MTHFD1: variants seen among roughly 807,000 people sequenced by gnomAD.
MTHFD1 encodes methylenetetrahydrofolate dehydrogenase, cyclohydrolase and formyltetrahydrofolate synthetase 1, also known as C-1-tetrahydrofolate synthase, cytoplasmic.
MTHFD1 carries 44 observed loss-of-function variants against 110.3 expected under a neutral mutation model. The observed-to-expected ratio is 0.40, with a 90% CI of 0.31 to 0.51. MTHFD1 has a LOEUF of 0.51. Among genes scored for constraint, MTHFD1 ranks in the 20% least tolerant of loss-of-function variants. The pLI is 0.60. For missense variants in MTHFD1, 909 were observed against 1,173.1 expected (o/e 0.77, Z 3.29); for synonymous variants, 402 against 428.8 (o/e 0.94, Z 0.77).
chr14:64,390,863 G>C (rs761374952), intron 1 of MTHFD1, among the ~76,000 whole-genome samples: 1 of 152,072 alleles, frequency 6.6e-6, no homozygotes, highest in Non-Finnish European at 1.5e-5. Flanking sequence ...TGGTCAGGCT[G>C]GTCTGTAACT....
intron 8 of MTHFD1, among the ~76,000 whole-genome samples, chr14:64,422,194 T>G (rs527729168): frequency 6.6e-6 from 1 of 152,242 alleles, no homozygotes; most frequent in Non-Finnish European, 1.5e-5. Flanking sequence ...ATAGGCAAAT[T>G]AATGCTGATA....
intron 1 of MTHFD1, chr14:64,390,426 G>C (rs1019024784): frequency 6.6e-6 from 1 of 151,266 alleles, no homozygotes; most frequent in Non-Finnish European, 1.5e-5. Flanking sequence ...CTGCATACAA[G>C]CAATTCTCTC....
intron 5 of MTHFD1, 42 bp from the exon 6 acceptor site, chr14:64,415,597 T>C: frequency 6.2e-7 from 1 of 1,612,454 alleles, no homozygotes; most frequent in Non-Finnish European, 8.5e-7. Context: ...TAAAGACATC[T>C]AATTGCCTTT....
At chr14:64,422,435 G>A (rs1210007578) in intron 8 of MTHFD1, among the ~76,000 whole-genome samples, 1 of 152,174 alleles carries the variant, frequency 6.6e-6, no homozygotes, top group Non-Finnish European at 1.5e-5. Flanking sequence ...ATCAAGGTGT[G>A]TATACCTTTT....
chr14:64,405,831 C>G (rs1365038958), intron 2 of MTHFD1, among the ~76,000 whole-genome samples: 1 of 151,968 alleles, frequency 6.6e-6, no homozygotes, highest in Non-Finnish European at 1.5e-5. Context: ...CATCCTTTAC[C>G]AGAATGATAG....
chr14:64,449,778 C>A, intron 24 of MTHFD1, 156 bp downstream of exon 24: 3 of 813,724 alleles, frequency 3.7e-6, no homozygotes, highest in African/African-American at 1.7e-5. Context: ...CCTGGACTCC[C>A]AGCTGTAGAC....
chr14:64,430,263 C>A (rs201797791), intron 13 of MTHFD1, 33 bp downstream of exon 13: 6 of 1,605,164 alleles, frequency 3.7e-6, no homozygotes, highest in South Asian at 1.1e-5. Flanking sequence ...TGAATTAGAT[C>A]CCCCTTTTTT....
At position 64,441,593 on chromosome 14, in the gene MTHFD1, T is replaced by C. The variant is rs1248922540; in HGVS notation, c.1884+140T>C. 4.1e-6 allele frequency: 3 copies of C among 722,918 alleles called. No homozygotes were observed. The South Asian group carries it at 4.4e-5, about 11-fold the overall frequency. The allele number at this position is 722,918 out of a possible 1,614,324, so 44.8% of individuals were successfully genotyped here. A position where few individuals can be genotyped will look rare whatever the true frequency, so the allele number is the denominator to read the frequency against. ...AGGCCAAGGTGGGCAGATCACAAGG[T>C]CAGGAGATCGAGACCATCCTGGCTA... On this transcript the variant is annotated intron_variant, in intron 19 of 27. Coordinates refer to ENST00000652337, the MANE Select transcript of MTHFD1 (RefSeq NM_005956.4).
chr14:64,433,612 G>C (rs1453822070), intron 15 of MTHFD1, among the ~76,000 whole-genome samples: 1 of 151,102 alleles, frequency 6.6e-6, no homozygotes, highest in Non-Finnish European at 1.5e-5. Context: ...ACCGGGTTTT[G>C]CCGTGTTGCC....
chr14:64,433,701 C>T (rs1447230838), intron 15 of MTHFD1, among the ~76,000 whole-genome samples: 1 of 150,256 alleles, frequency 6.7e-6, no homozygotes, highest in African/African-American at 2.5e-5. Context: ...TTGCATGAAC[C>T]ACTGAGCTCA....
intron 2 of MTHFD1, among the ~76,000 whole-genome samples, chr14:64,401,370 T>A (rs1173721728): frequency 6.6e-6 from 1 of 152,096 alleles, no homozygotes; most frequent in African/African-American, 2.4e-5. Flanking sequence ...GAAGCTATTG[T>A]TTATACAGAT....
Position 64,458,306 on chromosome 14 carries a change from AG to A in MTHFD1, c.*4+1del. 2 of 1,606,230 alleles carry A rather than the reference AG, an allele frequency of 1.2e-6. No individual in the cohort carries two copies. Among genetic ancestry groups the A allele is most frequent in the Non-Finnish European group, 1.7e-6 (2 of 1,172,770 alleles). On this transcript the variant is annotated splice_region_variant and 3_prime_UTR_variant, in exon 27 of 28. Transcript: ENST00000652337. ...AACAGGTGAATGGATTATTCTAAACAGGTAAGTTGTTACTGGGTAATAATTT... is the reference window on the plus strand; with the variant it reads ...AACAGGTGAATGGATTATTCTAAACAGTAAGTTGTTACTGGGTAATAATTT...
intron 2 of MTHFD1, among the ~76,000 whole-genome samples, chr14:64,410,370 G>T (rs2077972894): frequency 6.7e-6 from 1 of 149,494 alleles, no homozygotes; most frequent in African/African-American, 2.5e-5. Context: ...GGGACTACAG[G>T]CAGGCACCAC....
chr14:64,397,200 T>G (rs1231581026), intron 1 of MTHFD1, among the ~76,000 whole-genome samples: 5 of 80,518 alleles, frequency 6.2e-5, no homozygotes, highest in Non-Finnish European at 1.1e-4. Flanking sequence ...TAAAAAACAG[T>G]AATCTATTGG....
Position 64,400,835 on chromosome 14 carries a change from G to A in MTHFD1, c.84G>A (p.Lys28=). The A allele has an allele frequency of 6.2e-7, 1 of 1,613,958 alleles. No homozygotes were observed. Among genetic ancestry groups the A allele is most frequent in the South Asian group, 1.1e-5 (1 of 91,008 alleles). The change falls in exon 2 of 28, where the codon AAG becomes AAA. Residue 28 remains lysine (K), a synonymous_variant. Transcript: ENST00000652337. ...ARLKNQVTQL[K]EQVPGFTPRL... is the part of the protein sequence containing the mutation. ...TGAAAAATCAAGTCACTCAGTTGAAGGAGCAAGTACCTGGTTTCACACCAC... is the reference window on the plus strand; with the variant it reads ...TGAAAAATCAAGTCACTCAGTTGAAAGAGCAAGTACCTGGTTTCACACCAC...
chr14:64,439,264 C>T (rs2078230046), intron 17 of MTHFD1, 92 bp downstream of exon 17: 1 of 921,758 alleles, frequency 1.1e-6, no homozygotes, highest in Non-Finnish European at 1.8e-6. Context: ...ACGACTGATA[C>T]TGCCAGGTGT....
chr14:64,399,770 T>TTTTA (rs2077882975), intron 1 of MTHFD1, among the ~76,000 whole-genome samples: 1 of 151,856 alleles, frequency 6.6e-6, no homozygotes, highest in South Asian at 2.1e-4. Context: ...TTCAGTGGTG[T>TTTTA]TTTTATTTTA....
chr14:64,456,140 G>A (rs1004988190), intron 26 of MTHFD1, among the ~76,000 whole-genome samples: 1 of 152,220 alleles, frequency 6.6e-6, no homozygotes, highest in Non-Finnish European at 1.5e-5. Context: ...CAGTAGAGGT[G>A]AAAGCAAATC....
intron 7 of MTHFD1, among the ~76,000 whole-genome samples, chr14:64,418,486 T>C (rs1380762920): frequency 7.2e-6 from 1 of 138,936 alleles, no homozygotes; most frequent in Non-Finnish European, 1.7e-5. Flanking sequence ...AAAAAAAACA[T>C]AAAATTAAAA....
Sources: allele counts gnomAD v4.1 joint callset (sites outside exome capture counted in the v4.1 genomes callset), GRCh38; gene constraint gnomAD v4.1.1; transcripts MANE v1.5; gene names NCBI Gene and HGNC (gene_info 2026-07-23, HGNC 2026-07-21).